Variants in HECTD2 observed in about 807,000 individuals in gnomAD.
HECTD2 encodes HECT domain E3 ubiquitin protein ligase 2.
Under a neutral mutation model 103.2 loss-of-function variants are expected in HECTD2, and 35 were observed. The ratio of observed to expected loss-of-function variants is 0.34; its 90% CI spans 0.26 to 0.45. The LOEUF (loss-of-function observed/expected upper bound fraction) is 0.45. Among genes scored for constraint, HECTD2 ranks in the 20% least tolerant of loss-of-function variants. The pLI is 1.00. For synonymous variants in HECTD2, 281 were observed against 329.9 expected, an observed-to-expected ratio of 0.85 and a Z score of 1.61; for missense variants, 596 against 937.4, an observed-to-expected ratio of 0.64 and a Z score of 4.76.
Position 91,492,699 on chromosome 10 carries a change from G to A in HECTD2, c.1432+215G>A, listed in dbSNP as rs373158654. Among the ~76,000 whole-genome samples the A allele has an allele frequency of 5.9e-5, 9 of 152,220 alleles. No individual in the cohort carries two copies. The South Asian group carries it at 1.0e-3, about 18-fold the overall frequency. ...TCTTACTGGGAATCCTACACAAAATGTATCAAGATTAAAAGTAAACATTTA... is the reference window on the plus strand; with the variant it reads ...TCTTACTGGGAATCCTACACAAAATATATCAAGATTAAAAGTAAACATTTA... On this transcript the variant is annotated intron_variant, in intron 13 of 20. Coordinates refer to ENST00000298068, the MANE Select transcript of HECTD2 (RefSeq NM_182765.6).
chr10:91,460,941 C>T (rs1384512270), intron 3 of HECTD2, among the ~76,000 whole-genome samples: 1 of 151,796 alleles, frequency 6.6e-6, no homozygotes, highest in Admixed American at 6.6e-5. Context: ...ATTTGAAGGA[C>T]GAAGTGGGAA....
At chr10:91,468,510 T>C (rs966878846) in intron 5 of HECTD2, among the ~76,000 whole-genome samples, 1 of 152,188 alleles carries the variant, frequency 6.6e-6, no homozygotes, top group African/African-American at 2.4e-5. Flanking sequence ...AAAGCCAGTC[T>C]TCTCACCTCC....
chr10:91,473,543 G>A (rs1367747966), intron 5 of HECTD2, among the ~76,000 whole-genome samples: 1 of 152,162 alleles, frequency 6.6e-6, no homozygotes, highest in African/African-American at 2.4e-5. Flanking sequence ...TACACATCAT[G>A]GGTTTGAACT....
At chr10:91,475,812 G>C (rs1172806333) in intron 5 of HECTD2, among the ~76,000 whole-genome samples, 1 of 152,190 alleles carries the variant, frequency 6.6e-6, no homozygotes, top group Non-Finnish European at 1.5e-5. Flanking sequence ...GTGCCCAGGG[G>C]AGAATCTAGA....
At chr10:91,504,884 C>T (rs1215761046) in intron 20 of HECTD2, among the ~76,000 whole-genome samples, 2 of 152,096 alleles carry the variant, frequency 1.3e-5, no homozygotes, top group South Asian at 2.1e-4. Flanking sequence ...AGAGAAAGGT[C>T]GGTTTACCCT....
At position 91,440,072 on chromosome 10, in the gene HECTD2, C is replaced by A. The variant is rs918659643; in HGVS notation, c.268+14662C>A. 1.7e-4 allele frequency among the ~76,000 whole-genome samples: 26 copies of A among 151,586 alleles called. No homozygotes were observed. The East Asian group carries it at 2.0e-3, about 11-fold the overall frequency. ...CTCTCTTCCTATTTAAATGCCCTTT[C>A]TTTCTCTTGCCTGACTGCCCTGGCC... is the stretch of plus-strand genomic sequence containing the variant. On this transcript the variant is annotated intron_variant, in intron 2 of 20. Coordinates refer to ENST00000298068, the MANE Select transcript of HECTD2 (RefSeq NM_182765.6).
chr10:91,438,324 C>T (rs1353119892), intron 2 of HECTD2, among the ~76,000 whole-genome samples: 1 of 152,124 alleles, frequency 6.6e-6, no homozygotes, highest in Non-Finnish European at 1.5e-5. Context: ...CGAGTGAGAA[C>T]ATGCAGTGTT....
chr10:91,462,396 C>G, intron 5 of HECTD2: 1 of 1,180,346 alleles, frequency 8.5e-7, no homozygotes, highest in South Asian at 3.3e-5. Context: ...TATATCCAAT[C>G]CTTTTTTAGA....
At chr10:91,483,167 T>C in intron 8 of HECTD2, 91 bp downstream of exon 8, 1 of 512,554 alleles carries the variant, frequency 2.0e-6, no homozygotes, top group Non-Finnish European at 3.3e-6. Context: ...TTTAAATATT[T>C]TCAGGTCTTT....
chr10:91,438,447 C>T (rs765318887), intron 2 of HECTD2, among the ~76,000 whole-genome samples: 1 of 152,080 alleles, frequency 6.6e-6, no homozygotes, highest in African/African-American at 2.4e-5. Flanking sequence ...TTCCATGGTG[C>T]ATATGTGCCA....
intron 11 of HECTD2, chr10:91,488,369 A>T (rs1846342516): frequency 6.6e-6 from 1 of 152,506 alleles, no homozygotes; most frequent in Non-Finnish European, 1.5e-5. Flanking sequence ...GTTATCTCTC[A>T]GTCTGTCCTT....
Position 91,487,420 on chromosome 10 carries a change from C to A in HECTD2, c.1095-262C>A. On this transcript the variant is annotated intron_variant, in intron 10 of 20. Coordinates refer to ENST00000298068, the MANE Select transcript of HECTD2 (RefSeq NM_182765.6). The surrounding 1 kb of genome is among the most constrained non-coding windows in gnomAD (Gnocchi z 4.1). ...TATACAATGAAATTATTTGTATAGA[C>A]AATGTAAGTGGTTAGCACACATTCA... 1 of 433,080 alleles carries A rather than the reference C, an allele frequency of 2.3e-6. No homozygotes were observed. Among genetic ancestry groups the A allele is most frequent in the Admixed American group, 3.4e-5 (1 of 29,460 alleles). The allele number at this position is 433,080 out of a possible 1,614,324, so 26.8% of individuals were successfully genotyped here.
intron 2 of HECTD2, among the ~76,000 whole-genome samples, chr10:91,430,365 G>A (rs2133061185): frequency 6.6e-6 from 1 of 152,268 alleles, no homozygotes; most frequent in East Asian, 1.9e-4. Flanking sequence ...GTTGATTTGG[G>A]GTGGAGTGTT....
intron 15 of HECTD2, 95 bp from the exon 16 acceptor site, chr10:91,498,013 T>A: frequency 2.6e-6 from 2 of 774,344 alleles, no homozygotes; most frequent in Non-Finnish European, 4.5e-6. Context: ...AAATATGATC[T>A]TTATATACAT....
chr10:91,450,265 G>T (rs918549189), intron 2 of HECTD2, among the ~76,000 whole-genome samples: 7 of 152,136 alleles, frequency 4.6e-5, no homozygotes, highest in African/African-American at 9.7e-5. Flanking sequence ...ATAAAAACAA[G>T]CAATGGGGAA....
intron 6 of HECTD2, among the ~76,000 whole-genome samples, chr10:91,479,484 C>T (rs1376749325): frequency 2.0e-5 from 3 of 152,038 alleles, no homozygotes; most frequent in Non-Finnish European, 4.4e-5. Context: ...ACTTAATGAT[C>T]TTTTTCTTAG....
At chr10:91,419,075 TG>T (rs1274224761) in intron 1 of HECTD2, among the ~76,000 whole-genome samples, 1 of 152,170 alleles carries the variant, frequency 6.6e-6, no homozygotes, top group Non-Finnish European at 1.5e-5. Flanking sequence ...CATTTCGTGA[TG>T]GAACAGCCAG....
At chr10:91,480,210 T>G (rs1370726580) in intron 6 of HECTD2, among the ~76,000 whole-genome samples, 1 of 152,020 alleles carries the variant, frequency 6.6e-6, no homozygotes, top group Non-Finnish European at 1.5e-5. Context: ...AAATCAAACC[T>G]ACTCATACAA....
rs1032139741 is a variant in HECTD2, at chr10:91,506,651, G to A, written c.2210+5317G>A. ...TAATCAATAGCTTACCAACCAAAAA[G>A]AGTCCAGGACCAGATGGATTCACAG... On this transcript the variant is annotated intron_variant, in intron 20 of 20. Transcript: ENST00000298068. Among the ~76,000 whole-genome samples, 136 of 151,790 alleles carry A rather than the reference G, an allele frequency of 9.0e-4. 2 individuals are homozygous for A. Among genetic ancestry groups the A allele is most frequent in the African/African-American group, 3.2e-3 (133 of 41,352 alleles).
Sources: allele counts gnomAD v4.1 joint callset (sites outside exome capture counted in the v4.1 genomes callset), GRCh38; gene constraint gnomAD v4.1.1; non-coding constraint Gnocchi (gnomAD v3.1); transcripts MANE v1.5; gene names NCBI Gene and HGNC (gene_info 2026-07-23, HGNC 2026-07-21).